Variants in PGBD2 observed in about 807,000 individuals in gnomAD.
PGBD2 encodes the protein piggyBac transposable element-derived protein 2.
A neutral mutation model predicts 8.1 loss-of-function variants in PGBD2; 6 were observed. That is an observed-to-expected ratio of 0.74 (90% CI 0.40 to 1.46). PGBD2 has a LOEUF of 1.46. Among genes scored for constraint, PGBD2 ranks in the 40% most tolerant of loss-of-function variants. The pLI is 0.02. For synonymous variants in PGBD2, 318 were observed against 272.2 expected (o/e 1.17, Z -1.66); for missense variants, 802 against 739.0 (o/e 1.09, Z -0.99).
At chr1:248,895,299 C>T in the PGBD2 span, among the ~76,000 whole-genome samples, 2 of 152,166 alleles carry the variant, frequency 1.3e-5, no homozygotes, top group African/African-American at 4.8e-5. Context: ...AGTGCTAGGC[C>T]TCCTCTTTGG....
chr1:248,881,374 T>G, the PGBD2 span, among the ~76,000 whole-genome samples: 2 of 152,204 alleles, frequency 1.3e-5, no homozygotes, highest in African/African-American at 4.8e-5. Context: ...TTGTTATAGA[T>G]GTATATTTTG....
chr1:248,911,374 C>A (rs937023259), intron 1 of PGBD2, among the ~76,000 whole-genome samples: 7 of 150,908 alleles, frequency 4.6e-5, no homozygotes, highest in African/African-American at 9.9e-5. Flanking sequence ...CTTGCACCGC[C>A]CTTAATCCAT....
rs965190642 is a variant in PGBD2, at chr1:248,917,523, G to A, written c.939G>A (p.Gln313=). ...ACTTGGTGTGGTTTGAGCCCTCACA[G>A]GGCACACTGTTTACCAAGCCAGACA... The part of the protein sequence containing the change: ...RGYLVWFEPS[Q]GTLFTKPDRS... Residue 313 remains glutamine (Q), a synonymous_variant, in exon 3 of 3, where the codon CAG becomes CAA. Transcript: ENST00000329291. 1 of 1,614,182 alleles carries A rather than the reference G, an allele frequency of 6.2e-7. No homozygotes were observed. Among genetic ancestry groups the A allele is most frequent in the Non-Finnish European group, 8.5e-7 (1 of 1,180,032 alleles).
chr1:248,878,163 G>A, the PGBD2 span, among the ~76,000 whole-genome samples: 1 of 149,514 alleles, frequency 6.7e-6, no homozygotes, highest in South Asian at 2.1e-4. Flanking sequence ...TACACTATTT[G>A]TATCATTGTT....
chr1:248,910,068 G>T (rs981686561), intron 1 of PGBD2, among the ~76,000 whole-genome samples: 3 of 152,228 alleles, frequency 2.0e-5, no homozygotes, highest in Admixed American at 1.3e-4. Context: ...CTGCTGAGAG[G>T]TGAAGCAACT....
the PGBD2 span, among the ~76,000 whole-genome samples, chr1:248,898,208 T>C: frequency 6.6e-6 from 1 of 152,128 alleles, no homozygotes; most frequent in African/African-American, 2.4e-5. Context: ...CCCAACAGTG[T>C]ACCAACTCCA....
the PGBD2 span, among the ~76,000 whole-genome samples, chr1:248,882,642 T>C: frequency 1.3e-5 from 2 of 152,126 alleles, no homozygotes; most frequent in East Asian, 3.8e-4. Flanking sequence ...CAGGCGCCCC[T>C]CATGTGTCTG....
rs141953668 is a variant in PGBD2, at chr1:248,917,419, C to T, written c.835C>T (p.Arg279Trp). ...GESMCEYFGHRGSKQLHRGKP... is the reference protein window; with the variant it reads ...GESMCEYFGHWGSKQLHRGKP... ...GTCTATGTGTGAGTACTTTGGGCAC[C>T]GGGGGTCCAAGCAGCTGCACAGGGG... The change falls in exon 3 of 3, where the codon CGG becomes TGG. Residue 279 changes from arginine (R) to tryptophan (W), a missense_variant. By Grantham distance (101) the Arg-to-Trp change is moderately radical. Coordinates refer to ENST00000329291, the MANE Select transcript of PGBD2 (RefSeq NM_170725.3). The T allele has an allele frequency of 2.5e-4, 408 of 1,614,048 alleles. 4 individuals carry two copies. In the South Asian group the frequency reaches 3.0e-3, roughly 12 times the overall value.
chr1:248,883,695 C>T, the PGBD2 span, among the ~76,000 whole-genome samples: 1 of 145,090 alleles, frequency 6.9e-6, no homozygotes, highest in Non-Finnish European at 1.5e-5. Flanking sequence ...CTCCCAGGTT[C>T]GAGTGATTCT....
chr1:248,915,840 G>A (rs1461109193), intron 2 of PGBD2, among the ~76,000 whole-genome samples: 1 of 152,186 alleles, frequency 6.6e-6, no homozygotes, highest in African/African-American at 2.4e-5. Flanking sequence ...TGGGGAATGA[G>A]GGAAACTTCT....
chr1:248,890,170 G>A, the PGBD2 span, among the ~76,000 whole-genome samples: 8 of 151,882 alleles, frequency 5.3e-5, no homozygotes, highest in African/African-American at 1.2e-4. Context: ...CAAGTGATCC[G>A]CCTGACTCAG....
chr1:248,921,493 T>A (rs1662286247), downstream of PGBD2, among the ~76,000 whole-genome samples: 1 of 152,208 alleles, frequency 6.6e-6, no homozygotes, highest in Non-Finnish European at 1.5e-5. Flanking sequence ...CCATTGTCTA[T>A]ATATCTGTTT....
chr1:248,905,194 C>T (rs1280853338), upstream of PGBD2, among the ~76,000 whole-genome samples: 4 of 152,118 alleles, frequency 2.6e-5, no homozygotes, highest in Non-Finnish European at 4.4e-5. Flanking sequence ...TGATTTTTTT[C>T]TTCTGATCCA....
chr1:248,917,538 C>A lies in PGBD2; in HGVS notation c.954C>A (p.Thr318=). ...AGCCCTCACAGGGCACACTGTTTAC[C>A]AAGCCAGACAGGAGCTTGGATCTAG... is the stretch of plus-strand genomic sequence containing the variant. ...WFEPSQGTLF[T]KPDRSLDLGG... The change falls in exon 3 of 3, where the codon ACC becomes ACA. Residue 318 remains threonine, a synonymous_variant. Coordinates refer to ENST00000329291, the MANE Select transcript of PGBD2 (RefSeq NM_170725.3). The A allele has an allele frequency of 6.2e-7, 1 of 1,614,120 alleles. No homozygotes were observed. The highest frequency in any genetic ancestry group is 8.5e-7 in the Non-Finnish European group (1 of 1,180,024).
chr1:248,916,726 G>A lies in PGBD2; in HGVS notation c.142G>A (p.Asp48Asn), dbSNP rs746477664. 17 of 1,614,040 alleles carry A rather than the reference G, an allele frequency of 1.1e-5. No individual in the cohort carries two copies. Among genetic ancestry groups the A allele is most frequent in the East Asian group, 4.5e-5 (2 of 44,896 alleles). Residue 48 changes from aspartate (D) to asparagine (N), a missense_variant, in exon 3 of 3, where the codon GAC becomes AAC. Coordinates refer to ENST00000329291, the MANE Select transcript of PGBD2 (RefSeq NM_170725.3). ...GGAAGAGATTTTCATTGCACCTCCC[G>A]ACAATGCTGCGGGGGAATTCACTGA... ...NREEIFIAPP[D>N]NAAGEFTDED...
At chr1:248,897,201 C>T in the PGBD2 span, among the ~76,000 whole-genome samples, 1,509 of 147,344 alleles carry the variant, frequency 0.01, 21 homozygotes, top group African/African-American at 0.038. Context: ...TGCTTTTTAC[C>T]TTTCTCAGCA....
intron 1 of PGBD2, among the ~76,000 whole-genome samples, chr1:248,913,199 C>T (rs952062445): frequency 1.3e-5 from 2 of 152,140 alleles, no homozygotes; most frequent in African/African-American, 2.4e-5. Flanking sequence ...TCCAGTTTCC[C>T]TCCCTCCCCT....
the PGBD2 span, among the ~76,000 whole-genome samples, chr1:248,883,886 C>T: frequency 5.3e-4 from 80 of 152,168 alleles, no homozygotes; most frequent in African/African-American, 1.8e-3. Context: ...CATGAGCCAC[C>T]GTGCCCGACC....
chr1:248,921,103 T>C (rs1662277648), downstream of PGBD2, among the ~76,000 whole-genome samples: 1 of 152,214 alleles, frequency 6.6e-6, no homozygotes, highest in Non-Finnish European at 1.5e-5. Flanking sequence ...CTGTTCAGTC[T>C]GATGATAGTT....
Sources: gnomAD v4.1 joint callset for allele counts (sites outside exome capture counted in the v4.1 genomes callset) on GRCh38, gnomAD v4.1.1 for gene constraint, MANE v1.5 for transcripts, NCBI Gene and HGNC (gene_info 2026-07-23, HGNC 2026-07-21) for gene names.